The following CENPE variants were observed in gnomAD, a reference collection of about 807,000 sequenced individuals.
CENPE encodes the protein centromere-associated protein E.
In CENPE, 145 loss-of-function variants were observed where a neutral mutation model predicts 336.1. That is an observed-to-expected ratio of 0.43 (90% confidence interval 0.38 to 0.50). The LOEUF is 0.50. CENPE is among the 20% of genes least tolerant of loss of function. The pLI, the probability that CENPE is intolerant of heterozygous loss-of-function variation, is 0.00. For missense variants in CENPE, 2,719 were observed against 3,023.3 expected (o/e 0.90, Z 2.36); for synonymous variants, 1,013 against 984.8 (o/e 1.03, Z -0.54).
intron 38 of CENPE, among the ~76,000 whole-genome samples, chr4:103,139,332 A>C (rs560102170): frequency 2.6e-5 from 4 of 152,286 alleles, no homozygotes; most frequent in African/African-American, 9.6e-5. Context: ...TATGATTCTG[A>C]ATATCTATAA....
intron 13 of CENPE, among the ~76,000 whole-genome samples, chr4:103,178,468 T>C (rs1460580143): frequency 6.6e-6 from 1 of 152,188 alleles, no homozygotes; most frequent in African/African-American, 2.4e-5. Flanking sequence ...CTAAGAGTAC[T>C]ACCTGCACAG....
At chr4:103,187,668 C>T (rs188385489) in intron 8 of CENPE, among the ~76,000 whole-genome samples, 16 of 152,282 alleles carry the variant, frequency 1.1e-4, no homozygotes, top group African/African-American at 3.8e-4. Flanking sequence ...TGGAAAGGAA[C>T]AACCGGTAAT....
Position 103,145,181 on chromosome 4 carries a change from T to C in CENPE, c.4726A>G (p.Asn1576Asp), listed in dbSNP as rs1752915334. The change falls in exon 32 of 49, where the codon AAC becomes GAC. Residue 1576 changes from asparagine (N) to aspartate (D), a missense_variant. Physicochemically the swap from Asn to Asp is conservative, Grantham distance 23. Around this residue, in one of 5 missense-constraint regions of CENPE, gnomAD observed 2,437 missense variants for 2,513.3 expected, o/e 0.97. Transcript: ENST00000265148. Reference sequence around the variant, plus strand: ...TCTTCTTGACTTTCTTGAAGTCTGTTGGTCAACTCGAGCATCTTACTTTCT... The same window carrying C: ...TCTTCTTGACTTTCTTGAAGTCTGTCGGTCAACTCGAGCATCTTACTTTCT... ...SIESKMLELT[N>D]RLQESQEEIQ... The C allele has an allele frequency of 6.2e-7, 1 of 1,613,544 alleles. No homozygotes were observed. Among genetic ancestry groups the C allele is most frequent in the African/African-American group, 1.3e-5 (1 of 74,902 alleles).
Position 103,148,909 on chromosome 4 carries a change from C to G in CENPE, c.3778G>C (p.Glu1260Gln). ...TIDELRRSVS[E>Q]KTAQIINTQD... is the part of the protein sequence containing the mutation. ...GTATTTATTATTTGAGCTGTCTTCT[C>G]AGATACGCTTCTTCTTAGTTCATCA... The change falls in exon 28 of 49, where the codon GAG becomes CAG. Residue 1260 changes from glutamate to glutamine, a missense_variant. By Grantham distance (29) the Glu-to-Gln change is conservative (BLOSUM62 2). Coordinates refer to ENST00000265148, the MANE Select transcript of CENPE (RefSeq NM_001813.3). 1.2e-6 allele frequency: 2 copies of G among 1,613,520 alleles called. No individual in the cohort carries two copies. Among genetic ancestry groups the G allele is most frequent in the South Asian group, 1.1e-5 (1 of 91,044 alleles).
chr4:103,141,085 T>A lies in CENPE; in HGVS notation c.5483A>T (p.Asn1828Ile). 3 of 1,566,942 alleles carry A rather than the reference T, an allele frequency of 1.9e-6. No homozygotes were observed. The highest frequency in any genetic ancestry group is 2.6e-6 in the Non-Finnish European group (3 of 1,154,236). Residue 1828 changes from asparagine to isoleucine, a missense_variant, in exon 36 of 49, where the codon AAT becomes ATT. By Grantham distance (149) the Asn-to-Ile change is moderately radical (BLOSUM62 -3). Around this residue, in one of 5 missense-constraint regions of CENPE, gnomAD observed 2,437 missense variants for 2,513.3 expected, o/e 0.97. Coordinates refer to ENST00000265148, the MANE Select transcript of CENPE (RefSeq NM_001813.3). ...TTTTAACGTAATAAGTTGATGTTCA[T>A]TTGCCTTAAGTTCTTGAATCTTAAG... ...LQEKIQELKA[N>I]EHQLITLKKD...
intron 32 of CENPE, 77 bp from the exon 33 acceptor site, chr4:103,144,695 C>T (rs190866133): frequency 1.1e-5 from 11 of 969,082 alleles, no homozygotes; most frequent in South Asian, 8.4e-5. Flanking sequence ...TAAAATAAGG[C>T]AATCATTTTT....
At chr4:103,173,070 G>C (rs1199450294) in intron 16 of CENPE, among the ~76,000 whole-genome samples, 2 of 151,982 alleles carry the variant, frequency 1.3e-5, no homozygotes, top group Non-Finnish European at 2.9e-5. Context: ...TGAGCAAAAA[G>C]AGCAAATCTG....
In CENPE at chr4:103,158,707, T is replaced by C; in HGVS notation, c.2781A>G (p.Leu927=). Reference sequence around the variant, plus strand: ...GTTTTAGATCATCTTTTTCTTGAGTTAAAGTTTTTACTTCTTCTAAAGTTT... The same window carrying C: ...GTTTTAGATCATCTTTTTCTTGAGTCAAAGTTTTTACTTCTTCTAAAGTTT... ...LQQTLEEVKT[L]TQEKDDLKQL... Residue 927 remains leucine (L), a synonymous_variant, in exon 23 of 49, where the codon TTA becomes TTG. Coordinates refer to ENST00000265148, the MANE Select transcript of CENPE (RefSeq NM_001813.3). 6.2e-7 allele frequency: 1 copy of C among 1,612,982 alleles called. No individual in the cohort carries two copies.
chr4:103,117,307 C>T (rs779661104), intron 44 of CENPE, among the ~76,000 whole-genome samples: 14 of 152,110 alleles, frequency 9.2e-5, no homozygotes, highest in Non-Finnish European at 2.1e-4. Flanking sequence ...AATATTGATA[C>T]ATTATTATTA....
At position 103,153,206 on chromosome 4, in the gene CENPE, G is replaced by C. The variant is rs1753700469; in HGVS notation, c.3078C>G (p.Thr1026=). ...CCTTAACATCTGCAGTTAGTGTTTG[G>C]GTATTTTTAGCTTCCAAATCCTGTT... The part of the protein sequence containing the change: ...DKKQDLEAKN[T]QTLTADVKDN... Residue 1026 remains threonine (T), a synonymous_variant, in exon 25 of 49, where the codon ACC becomes ACG. Coordinates refer to ENST00000265148, the MANE Select transcript of CENPE (RefSeq NM_001813.3). 1 of 1,612,084 alleles carries C rather than the reference G, an allele frequency of 6.2e-7. No individual in the cohort carries two copies. The highest frequency in any genetic ancestry group is 2.2e-5 in the East Asian group (1 of 44,722).
At chr4:103,110,160 G>A (rs763163964) in intron 47 of CENPE, among the ~76,000 whole-genome samples, 5 of 152,054 alleles carry the variant, frequency 3.3e-5, no homozygotes, top group Non-Finnish European at 7.4e-5. Context: ...AGTGAATCGC[G>A]GAAATCTTTT....
At chr4:103,116,546 A>G in intron 45 of CENPE, 31 bp downstream of exon 45, 1 of 1,114,392 alleles carries the variant, frequency 9.0e-7, no homozygotes, top group Non-Finnish European at 1.3e-6. Context: ...TTAAGCTATT[A>G]AAATCACATT....
intron 16 of CENPE, among the ~76,000 whole-genome samples, chr4:103,166,695 G>A (rs1429291357): frequency 6.6e-6 from 1 of 152,164 alleles, no homozygotes; most frequent in Non-Finnish European, 1.5e-5. Context: ...ATAGAAGTCT[G>A]AAGAGTAGCT....
intron 45 of CENPE, among the ~76,000 whole-genome samples, chr4:103,115,078 T>C (rs1230185813): frequency 1.3e-5 from 2 of 152,132 alleles, no homozygotes; most frequent in Admixed American, 6.6e-5. Context: ...TAAGACTTTC[T>C]GCCTTTCTTA....
rs111889044 is a variant in CENPE, at chr4:103,107,914, C to T, written c.8011+889G>A. Among the ~76,000 whole-genome samples the T allele has an allele frequency of 3.6e-3, 542 of 152,322 alleles. 3 individuals carry two copies. The highest frequency in any genetic ancestry group is 0.011 in the African/African-American group (473 of 41,572). On this transcript the variant is annotated intron_variant, in intron 48 of 48. Transcript: ENST00000265148. ...TAAGATCTTTCAAAGGCTTCCTCTA[C>T]ACAATAAATGAAACAATTCCTTTAT...
In CENPE at chr4:103,161,120, T is replaced by A. The variant is rs769953452; in HGVS notation, c.2097A>T (p.Lys699Asn). The A allele has an allele frequency of 6.2e-7, 1 of 1,604,296 alleles. No individual in the cohort carries two copies. Among genetic ancestry groups the A allele is most frequent in the South Asian group, 1.1e-5 (1 of 88,452 alleles). ...ELQSAFNEIT[K>N]LTSLIDGKVP... ...CTTTGCCATCTATAAGGGAGGTGAGTTTTGTTATCTCATTAAAAGCAGATT... is the reference window on the plus strand; with the variant it reads ...CTTTGCCATCTATAAGGGAGGTGAGATTTGTTATCTCATTAAAAGCAGATT... Residue 699 changes from lysine (K) to asparagine (N), a missense_variant, in exon 20 of 49, where the codon AAA becomes AAT. Physicochemically the swap from Lys to Asn is moderately conservative, Grantham distance 94 (BLOSUM62 0). Transcript: ENST00000265148.
chr4:103,170,104 A>G (rs1366921747), intron 16 of CENPE, among the ~76,000 whole-genome samples: 2 of 152,066 alleles, frequency 1.3e-5, no homozygotes, highest in Non-Finnish European at 2.9e-5. Context: ...GGACACAGGG[A>G]GGGGAACATC....
chr4:103,140,849 G>C lies in CENPE; in HGVS notation c.5719C>G (p.Gln1907Glu). 6.3e-7 allele frequency: 1 copy of C among 1,599,176 alleles called. No homozygotes were observed. Among genetic ancestry groups the C allele is most frequent in the Non-Finnish European group, 8.5e-7 (1 of 1,175,672 alleles). ...VEETLKLERDQLKESLQETKA... is the reference protein window; with the variant it reads ...VEETLKLERDELKESLQETKA... The stretch of plus-strand genomic sequence containing the variant: ...GTTTCTTGCAGGCTTTCCTTGAGTT[G>C]GTCTCTCTCCAGTTTGAGTGTCTCC... The change falls in exon 36 of 49, where the codon CAA (glutamine) becomes GAA (glutamate). Residue 1907 changes from glutamine to glutamate, a missense_variant. Coordinates refer to ENST00000265148, the MANE Select transcript of CENPE (RefSeq NM_001813.3).
At position 103,158,362 on chromosome 4, in the gene CENPE, C is replaced by A; in HGVS notation, c.2971G>T (p.Val991Phe). 2 of 1,610,058 alleles carry A rather than the reference C, an allele frequency of 1.2e-6. No homozygotes were observed. Among genetic ancestry groups the A allele is most frequent in the Non-Finnish European group, 8.5e-7 (1 of 1,178,222 alleles). Residue 991 changes from valine to phenylalanine, a missense_variant, in exon 24 of 49, where the codon GTT becomes TTT. This residue lies in a region of CENPE where 2,437 missense variants were observed against 2,513.3 expected (regional missense o/e 0.97). Transcript: ENST00000265148. The part of the protein sequence containing the change: ...NTLKSKISEE[V>F]SRNLHMEENT... ...TCCTCCATATGCAAATTCCTGGAAACTTCCTCAGAAATTTTCGATTTTAGT... is the reference window on the plus strand; with the variant it reads ...TCCTCCATATGCAAATTCCTGGAAAATTCCTCAGAAATTTTCGATTTTAGT...
Sources: gnomAD v4.1 joint callset for allele counts (sites outside exome capture counted in the v4.1 genomes callset) on GRCh38, gnomAD v4.1.1 for gene constraint, gnomAD v4.1.1 regional missense constraint, MANE v1.5 for transcripts, NCBI Gene and HGNC (gene_info 2026-07-23, HGNC 2026-07-21) for gene names.